Variants in CHST9 observed in about 807,000 individuals in gnomAD.
The protein encoded by CHST9 is carbohydrate sulfotransferase 9.
In CHST9, 41 loss-of-function variants were observed where a neutral mutation model predicts 44.4. The observed-to-expected ratio is 0.92, with a 90% CI of 0.72 to 1.20. The LOEUF is 1.20. CHST9 is among the 50% of genes most tolerant of loss of function. The pLI, the probability that CHST9 is intolerant of heterozygous loss-of-function variation, is 0.00. For synonymous variants in CHST9, 171 were observed against 178.4 expected (o/e 0.96, Z 0.33); for missense variants, 504 against 516.5 (o/e 0.98, Z 0.23).
chr18:26,992,621 T>TC (rs1491169572), intron 4 of CHST9, among the ~76,000 whole-genome samples: 1 of 142,802 alleles, frequency 7.0e-6, no homozygotes, highest in East Asian at 2.0e-4. Flanking sequence ...AAATTCTTTC[T>TC]TTTTTTTTTT....
intron 1 of CHST9, among the ~76,000 whole-genome samples, chr18:27,179,749 A>ATT (rs1481957170): frequency 1.3e-5 from 2 of 152,138 alleles, no homozygotes; most frequent in Non-Finnish European, 2.9e-5. Flanking sequence ...AAGCCGAGCA[A>ATT]TTTACAAAAA....
chr18:26,956,290 C>T (rs777620135), intron 4 of CHST9, among the ~76,000 whole-genome samples: 7 of 133,554 alleles, frequency 5.2e-5, no homozygotes, highest in African/African-American at 2.0e-4. Context: ...CCAGCCTGGG[C>T]GACAGAGTGA....
At chr18:26,964,825 G>A (rs533814313) in intron 4 of CHST9, among the ~76,000 whole-genome samples, 27 of 152,332 alleles carry the variant, frequency 1.8e-4, no homozygotes, top group African/African-American at 6.3e-4. Flanking sequence ...GATTGACCCT[G>A]TGTTTCAGAG....
At chr18:26,952,650 T>G (rs898919609) in intron 4 of CHST9, 6 of 245,730 alleles carry the variant, frequency 2.4e-5, no homozygotes, top group Non-Finnish European at 4.0e-5. Flanking sequence ...AACTACAGAC[T>G]CATTAGCTGT....
chr18:26,934,755 A>C (rs1378549169), intron 5 of CHST9: 1 of 152,198 alleles, frequency 6.6e-6, no homozygotes, highest in African/African-American at 2.4e-5. Flanking sequence ...CAGTGTCACC[A>C]CATTGTGTTT....
chr18:27,142,568 C>T, intron 2 of CHST9, 121 bp downstream of exon 2: 1 of 683,718 alleles, frequency 1.5e-6, no homozygotes. Context: ...TATCTTATGA[C>T]TCATTTTTTG....
chr18:27,078,941 T>C (rs1232661468), intron 2 of CHST9, among the ~76,000 whole-genome samples: 2 of 152,210 alleles, frequency 1.3e-5, no homozygotes, highest in Admixed American at 6.5e-5. Context: ...ACTGTATTTG[T>C]AAATCTCACA....
intron 5 of CHST9, among the ~76,000 whole-genome samples, chr18:26,937,084 T>C (rs1306923221): frequency 6.6e-6 from 1 of 152,126 alleles, no homozygotes; most frequent in African/African-American, 2.4e-5. Flanking sequence ...CTTCAAATTC[T>C]CTTTTTATTT....
At chr18:27,137,951 G>A (rs1379701374) in intron 2 of CHST9, among the ~76,000 whole-genome samples, 1 of 152,054 alleles carries the variant, frequency 6.6e-6, no homozygotes, top group East Asian at 1.9e-4. Context: ...TGCATCATAC[G>A]CATAGCTCCC....
intron 2 of CHST9, among the ~76,000 whole-genome samples, chr18:27,140,080 A>C (rs1419032188): frequency 6.6e-6 from 1 of 152,196 alleles, no homozygotes; most frequent in Non-Finnish European, 1.5e-5. Context: ...TAAGTCATTT[A>C]AACTTTCTGA....
At chr18:27,097,195 C>T (rs2058125773) in intron 2 of CHST9, among the ~76,000 whole-genome samples, 1 of 151,822 alleles carries the variant, frequency 6.6e-6, no homozygotes, top group African/African-American at 2.4e-5. Context: ...TCAATAGATG[C>T]AGAAATAGTT....
At chr18:26,964,755 T>C (rs368281609) in intron 4 of CHST9, among the ~76,000 whole-genome samples, 1 of 152,348 alleles carries the variant, frequency 6.6e-6, no homozygotes, top group East Asian at 1.9e-4. Flanking sequence ...AAACACTTTC[T>C]TGGAGAAGGA....
chr18:26,992,741 C>T (rs988857036), intron 4 of CHST9, among the ~76,000 whole-genome samples: 4 of 151,534 alleles, frequency 2.6e-5, no homozygotes, highest in East Asian at 1.9e-4. Context: ...AGGAGAAGAA[C>T]GGGACAGAAA....
At chr18:26,926,569 C>T (rs2145074171) in intron 5 of CHST9, among the ~76,000 whole-genome samples, 1 of 152,278 alleles carries the variant, frequency 6.6e-6, no homozygotes, top group East Asian at 1.9e-4. Flanking sequence ...TGAGATGACT[C>T]TTTTGTTTGC....
intron 2 of CHST9, among the ~76,000 whole-genome samples, chr18:27,137,871 A>G (rs2058529557): frequency 6.6e-6 from 1 of 152,140 alleles, no homozygotes; most frequent in South Asian, 2.1e-4. Flanking sequence ...ATAAACTTAA[A>G]CAGTAGCTGG....
At chr18:27,161,102 C>G (rs1383664124) in intron 1 of CHST9, among the ~76,000 whole-genome samples, 2 of 152,042 alleles carry the variant, frequency 1.3e-5, no homozygotes, top group African/African-American at 2.4e-5. Flanking sequence ...TTTTGTGTCT[C>G]TATTTCCTTC....
At chr18:26,988,549 C>A (rs962850705) in intron 4 of CHST9, among the ~76,000 whole-genome samples, 1 of 152,072 alleles carries the variant, frequency 6.6e-6, no homozygotes, top group Non-Finnish European at 1.5e-5. Flanking sequence ...ATACATGACA[C>A]AAAAACTGAT....
chr18:27,150,438 T>C (rs568023965), intron 1 of CHST9, among the ~76,000 whole-genome samples: 86 of 152,336 alleles, frequency 5.6e-4, no homozygotes, highest in African/African-American at 2.0e-3. Context: ...ATTGGCACCT[T>C]AGTCCCTGTC....
chr18:27,157,952 T>C (rs1188697602), intron 1 of CHST9, among the ~76,000 whole-genome samples: 1 of 152,018 alleles, frequency 6.6e-6, no homozygotes, highest in Non-Finnish European at 1.5e-5. Context: ...TCCAGTAAAA[T>C]GGGGGCATAT....
Sources: allele counts gnomAD v4.1 joint callset (sites outside exome capture counted in the v4.1 genomes callset), GRCh38; gene constraint gnomAD v4.1.1; transcripts MANE v1.5; gene names NCBI Gene and HGNC (gene_info 2026-07-23, HGNC 2026-07-21).